The following SLC6A13 variants were observed in gnomAD, a reference collection of about 807,000 sequenced individuals.
SLC6A13 encodes the protein sodium- and chloride-dependent GABA transporter 2.
A neutral mutation model predicts 72.9 loss-of-function variants in SLC6A13; 69 were observed. That is an observed-to-expected ratio of 0.95 (90% CI 0.78 to 1.16). SLC6A13 has a LOEUF of 1.16. SLC6A13 is among the 50% of genes most tolerant of loss of function. The pLI, the probability that SLC6A13 is intolerant of heterozygous loss-of-function variation, is 0.00. For synonymous variants in SLC6A13, 303 were observed against 303.0 expected (o/e 1.00, Z 0.00); for missense variants, 735 against 760.5 (o/e 0.97, Z 0.39).
intron 1 of SLC6A13, among the ~76,000 whole-genome samples, chr12:262,445 G>A (rs2137331866): frequency 6.6e-6 from 1 of 152,300 alleles, no homozygotes; most frequent in African/African-American, 2.4e-5. Flanking sequence ...AGAATAACAG[G>A]TACTCAAATT....
intron 2 of SLC6A13, among the ~76,000 whole-genome samples, chr12:245,307 A>C (rs1469954441): frequency 6.6e-6 from 1 of 152,232 alleles, no homozygotes; most frequent in Non-Finnish European, 1.5e-5. Context: ...TTCTATTGCT[A>C]CCTAACCAAT....
rs760098164 is a variant in SLC6A13, at chr12:226,487, G to A, written c.963C>T (p.Asn321=). 4 of 1,613,948 alleles carry A rather than the reference G, an allele frequency of 2.5e-6. No homozygotes were observed. The highest frequency in any genetic ancestry group is 1.3e-5 in the African/African-American group (1 of 74,916). ...AGCCGGCCACAAAGCTGGTGCCGCTGTTGAGGAAGCAGAGGGCGATGCAGT... is the reference window on the plus strand; with the variant it reads ...AGCCGGCCACAAAGCTGGTGCCGCTATTGAGGAAGCAGAGGGCGATGCAGT... ...YRDCIALCFL[N]SGTSFVAGFA... is the part of the protein sequence containing the mutation. The change falls in exon 9 of 15, where the codon AAC becomes AAT. Residue 321 remains asparagine (N), a synonymous_variant. Coordinates refer to ENST00000343164, the MANE Select transcript of SLC6A13 (RefSeq NM_016615.5).
Position 224,550 on chromosome 12 carries a change from G to A in SLC6A13, c.1061-37C>T, listed in dbSNP as rs370641113. The stretch of plus-strand genomic sequence containing the variant: ...AGCAGAGGAACACGGGCCAGTGCCC[G>A]GGCCAGCTCCAGGCTGTGGGTGACC... On this transcript the variant is annotated intron_variant, in intron 9 of 14. Coordinates refer to ENST00000343164, the MANE Select transcript of SLC6A13 (RefSeq NM_016615.5). 163 of 1,556,560 alleles carry A rather than the reference G, an allele frequency of 1.0e-4. 1 individual carries two copies. The highest frequency in any genetic ancestry group is 2.2e-4 in the South Asian group (20 of 89,792).
chr12:245,987 G>A (rs1450416277), intron 2 of SLC6A13, among the ~76,000 whole-genome samples: 2 of 150,186 alleles, frequency 1.3e-5, no homozygotes, highest in African/African-American at 4.9e-5. Flanking sequence ...GTGTGGTGGT[G>A]GGTGCCTATA....
Position 221,437 on chromosome 12 carries a change from A to T in SLC6A13, c.1625T>A (p.Met542Lys), listed in dbSNP as rs367557934. 6.2e-7 allele frequency: 1 copy of T among 1,613,874 alleles called. No homozygotes were observed. Among genetic ancestry groups the T allele is most frequent in the Admixed American group, 1.7e-5 (1 of 59,970 alleles). ...GAGGCTCCAGGCAGGAATGCAGACC[A>T]TGGAGGACAGAGCCAGGAGCCAGCC... ...ALGWLLALSS[M>K]VCIPAWSLYR... The change falls in exon 14 of 15, where the codon ATG becomes AAG. Residue 542 changes from methionine to lysine, a missense_variant. By Grantham distance (95) the Met-to-Lys change is moderately conservative. Coordinates refer to ENST00000343164, the MANE Select transcript of SLC6A13 (RefSeq NM_016615.5).
intron 2 of SLC6A13, among the ~76,000 whole-genome samples, chr12:258,801 C>T (rs898276677): frequency 4.6e-5 from 7 of 152,210 alleles, no homozygotes; most frequent in Non-Finnish European, 8.8e-5. Flanking sequence ...AATGATGACA[C>T]AGTAAAGAGC....
chr12:247,852 G>C (rs1942407247), intron 2 of SLC6A13, among the ~76,000 whole-genome samples: 1 of 152,062 alleles, frequency 6.6e-6, no homozygotes, highest in South Asian at 2.1e-4. Context: ...AATATTTTAA[G>C]GTTCTTATAT....
intron 4 of SLC6A13, 108 bp from the exon 5 acceptor site, chr12:238,118 G>A: frequency 6.4e-7 from 1 of 1,559,538 alleles, no homozygotes; most frequent in Admixed American, 1.9e-5. Flanking sequence ...AAGGTATTTG[G>A]CAGGAGCCAG....
chr12:223,352 G>A (rs1565487714), intron 11 of SLC6A13, 118 bp from the exon 12 acceptor site: 6 of 563,048 alleles, frequency 1.1e-5, no homozygotes, highest in African/African-American at 1.9e-5. Flanking sequence ...GAGGATCACA[G>A]GAGATGGATC....
chr12:223,303 C>T, intron 11 of SLC6A13, 69 bp from the exon 12 acceptor site: 2 of 966,236 alleles, frequency 2.1e-6, no homozygotes, highest in South Asian at 1.6e-5. Flanking sequence ...CTCCTATGCC[C>T]TTTAGCTTCA....
intron 7 of SLC6A13, among the ~76,000 whole-genome samples, chr12:229,298 A>G: frequency 6.6e-6 from 1 of 152,210 alleles, no homozygotes; most frequent in East Asian, 1.9e-4. Context: ...TAAAAAAAGA[A>G]AAGTTTCAGT....
rs150746149 is a variant in SLC6A13 at position 221,480 on chromosome 12, A to G, written c.1582T>C (p.Trp528Arg). The G allele has an allele frequency of 4.3e-6, 7 of 1,613,600 alleles. No individual in the cohort carries two copies. The African/African-American group carries it at 9.3e-5, about 22-fold the overall frequency. Residue 528 changes from tryptophan (W) to arginine (R), a missense_variant, in exon 14 of 15, where the codon TGG becomes CGG. Trp to Arg is a moderately radical substitution (Grantham distance 101). Coordinates refer to ENST00000343164, the MANE Select transcript of SLC6A13 (RefSeq NM_016615.5). ...LTYNKKYTYP[W>R]WGDALGWLLA... ...AGCCAGCCCAGGGCATCGCCCCACC[A>G]CGGGTACGTGTACTTCTTGTTGTAG... is the stretch of plus-strand genomic sequence containing the variant.
intron 7 of SLC6A13, among the ~76,000 whole-genome samples, chr12:233,127 G>A (rs1393785410): frequency 6.6e-6 from 1 of 152,226 alleles, no homozygotes; most frequent in African/African-American, 2.4e-5. Context: ...CATAGACATG[G>A]AGAGACTCCA....
intron 2 of SLC6A13, among the ~76,000 whole-genome samples, chr12:250,021 G>A (rs554597): frequency 0.19 from 28,761 of 152,044 alleles, 3,120 homozygotes; most frequent in East Asian, 0.37. Context: ...GACTCATCCT[G>A]TTAACAAATT....
intron 5 of SLC6A13, among the ~76,000 whole-genome samples, 191 bp from the exon 6 acceptor site, chr12:237,481 G>A (rs1941977932): frequency 6.6e-6 from 1 of 152,176 alleles, no homozygotes; most frequent in Admixed American, 6.5e-5. Context: ...ACTGTTCCAG[G>A]TAAGTTTGCT....
chr12:240,370 A>T (rs1377430731), intron 4 of SLC6A13, among the ~76,000 whole-genome samples: 3 of 151,982 alleles, frequency 2.0e-5, no homozygotes, highest in South Asian at 4.2e-4. Context: ...CCCCTGGCAA[A>T]TTTTTTGTAT....
intron 6 of SLC6A13, 82 bp downstream of exon 6, chr12:237,076 C>A: frequency 6.6e-7 from 1 of 1,505,016 alleles, no homozygotes; most frequent in Non-Finnish European, 9.1e-7. Flanking sequence ...AACGGGGCCA[C>A]AGCTTAGAGA....
At chr12:223,777 T>A (rs1941318279) in intron 11 of SLC6A13, 3 of 572,452 alleles carry the variant, frequency 5.2e-6, no homozygotes, top group Non-Finnish European at 6.2e-6. Context: ...AAATGGCTCC[T>A]CACCCATCCC....
At chr12:234,374 C>A (rs1378374111) in intron 7 of SLC6A13, among the ~76,000 whole-genome samples, 2 of 152,202 alleles carry the variant, frequency 1.3e-5, no homozygotes, top group Non-Finnish European at 2.9e-5. Context: ...AATGAATAAT[C>A]CGCCCCTTAT....
Sources: allele counts gnomAD v4.1 joint callset (sites outside exome capture counted in the v4.1 genomes callset), GRCh38; gene constraint gnomAD v4.1.1; transcripts MANE v1.5; gene names NCBI Gene and HGNC (gene_info 2026-07-23, HGNC 2026-07-21).